Variants in MYO5C observed in about 807,000 individuals in gnomAD.
MYO5C encodes the protein myosin VC.
In MYO5C, 194 loss-of-function variants were observed where a neutral mutation model predicts 235.7. That is an observed-to-expected ratio of 0.82 (90% CI 0.73 to 0.93). MYO5C has a LOEUF of 0.93. Ranked by LOEUF, MYO5C falls within the 40% of genes least tolerant of loss-of-function variation. The probability of loss-of-function intolerance (pLI) is 0.00; values close to 1 mark genes in which losing one functional copy is unlikely to be tolerated. For synonymous variants in MYO5C, 707 were observed against 754.8 expected, an observed-to-expected ratio of 0.94 and a Z score of 1.04; for missense variants, 2,038 against 2,127.2, an observed-to-expected ratio of 0.96 and a Z score of 0.82.
intron 6 of MYO5C, 112 bp from the exon 7 acceptor site, chr15:52,271,956 T>C: frequency 1.7e-6 from 1 of 593,076 alleles, no homozygotes; most frequent in South Asian, 2.9e-5. Context: ...ATTCTCTGTC[T>C]GGGATGTGAT....
intron 36 of MYO5C, among the ~76,000 whole-genome samples, 176 bp downstream of exon 36, chr15:52,208,378 C>T (rs2035368644): frequency 6.6e-6 from 1 of 152,178 alleles, no homozygotes; most frequent in Non-Finnish European, 1.5e-5. Context: ...GTACCATGCC[C>T]AAAATCTAAG....
chr15:52,261,230 G>C, intron 9 of MYO5C, 103 bp from the exon 10 acceptor site: 5 of 1,366,274 alleles, frequency 3.7e-6, no homozygotes, highest in Non-Finnish European at 4.9e-6. Flanking sequence ...CTGTGCAAGA[G>C]CTGAGTAGTA....
At chr15:52,223,126 G>C (rs1379939444) in intron 29 of MYO5C, among the ~76,000 whole-genome samples, 1 of 142,548 alleles carries the variant, frequency 7.0e-6, no homozygotes, top group Non-Finnish European at 1.5e-5. Flanking sequence ...TCCAGCCTGG[G>C]CAACAGAGTG....
intron 38 of MYO5C, among the ~76,000 whole-genome samples, chr15:52,198,638 G>A (rs2035111788): frequency 6.6e-6 from 1 of 152,046 alleles, no homozygotes; most frequent in Non-Finnish European, 1.5e-5. Context: ...CTGGAGAGTA[G>A]TGGTGCGATC....
At chr15:52,282,351 C>T (rs1307414568) in intron 2 of MYO5C, among the ~76,000 whole-genome samples, 2 of 152,194 alleles carry the variant, frequency 1.3e-5, no homozygotes, top group African/African-American at 2.4e-5. Context: ...ATTTTCCTCC[C>T]CTTCACATCT....
chr15:52,199,380 T>C (rs2141258470), intron 38 of MYO5C, among the ~76,000 whole-genome samples: 1 of 152,360 alleles, frequency 6.6e-6, no homozygotes, highest in Non-Finnish European at 1.5e-5. Context: ...CCATCTTGTC[T>C]GTCCCACTGA....
At chr15:52,218,460 C>G in intron 32 of MYO5C, 59 bp downstream of exon 32, 1 of 1,522,372 alleles carries the variant, frequency 6.6e-7, no homozygotes, top group Non-Finnish European at 9.0e-7. Context: ...GGCATGTCCC[C>G]CCTTTCAGCA....
In MYO5C at chr15:52,225,106, C is replaced by A; in HGVS notation, c.3334G>T (p.Glu1112Ter). 1 of 1,614,058 alleles carries A rather than the reference C, an allele frequency of 6.2e-7. No individual in the cohort carries two copies. Among genetic ancestry groups the A allele is most frequent in the Non-Finnish European group, 8.5e-7 (1 of 1,179,982 alleles). ...KMSEITKQLL[E>*]SYDIEDVRSR... ...CTTACATCTTCAATGTCATAGCTTT[C>A]GAGAAGTTGTTTGGTGATCTCTGAC... The change falls in exon 27 of 41, where the codon GAA (glutamate) becomes TAA (stop). Residue 1112 changes from glutamate to a stop codon, truncating the protein, a stop_gained. Coordinates refer to ENST00000261839, the MANE Select transcript of MYO5C (RefSeq NM_018728.4). LOFTEE classifies it high-confidence loss of function.
intron 13 of MYO5C, among the ~76,000 whole-genome samples, chr15:52,249,374 G>C (rs1384500026): frequency 6.6e-6 from 1 of 151,972 alleles, no homozygotes; most frequent in African/African-American, 2.4e-5. Context: ...GCATATCCAG[G>C]GTGGCTGCTT....
intron 2 of MYO5C, among the ~76,000 whole-genome samples, chr15:52,280,893 C>T (rs781713508): frequency 1.3e-5 from 2 of 152,142 alleles, no homozygotes; most frequent in Non-Finnish European, 2.9e-5. Context: ...TTGTCCATGG[C>T]GGGGGTTTTG....
chr15:52,290,726 C>A (rs1428065006), intron 1 of MYO5C, among the ~76,000 whole-genome samples: 1 of 151,076 alleles, frequency 6.6e-6, no homozygotes, highest in Non-Finnish European at 1.5e-5. Flanking sequence ...AAAAACAAAA[C>A]ACATGTATCA....
chr15:52,196,528 G>A (rs370785274), intron 38 of MYO5C, 45 bp from the exon 39 acceptor site: 4 of 1,572,562 alleles, frequency 2.5e-6, no homozygotes, highest in Non-Finnish European at 3.5e-6. Flanking sequence ...AGGGAAGGGT[G>A]CCAGATACTC....
chr15:52,275,470 G>A lies in MYO5C; in HGVS notation c.606+92C>T, dbSNP rs536518339. On this transcript the variant is annotated intron_variant, in intron 5 of 40. Transcript: ENST00000261839. Reference sequence around the variant, plus strand: ...GCCCTCACTTCTTTAGTCTTTAAAGGGTGGGAACTTGAATTAGCCAGGAGA... The same window carrying A: ...GCCCTCACTTCTTTAGTCTTTAAAGAGTGGGAACTTGAATTAGCCAGGAGA... 8 of 1,495,402 alleles carry A rather than the reference G, an allele frequency of 5.3e-6. No individual in the cohort carries two copies. In the East Asian group the frequency reaches 1.6e-4, roughly 30 times the overall value. The allele number at this position is 1,495,402 out of a possible 1,614,324, so 92.6% of individuals were successfully genotyped here.
intron 35 of MYO5C, among the ~76,000 whole-genome samples, chr15:52,209,715 C>T (rs1323039460): frequency 6.6e-6 from 1 of 152,176 alleles, no homozygotes; most frequent in Non-Finnish European, 1.5e-5. Context: ...TAAGAAAACC[C>T]AATTTATGCA....
chr15:52,208,616 A>G lies in MYO5C; in HGVS notation c.4324T>C (p.Ser1442Pro). 1 of 1,614,204 alleles carries G rather than the reference A, an allele frequency of 6.2e-7. No individual in the cohort carries two copies. Among genetic ancestry groups the G allele is most frequent in the Non-Finnish European group, 8.5e-7 (1 of 1,180,004 alleles). The stretch of plus-strand genomic sequence containing the variant: ...TGACAAGTGTTGGAAAGCCAAAAGG[A>G]CAGCATTTCAAAGTCTTCTAAATGT... ...KEHLEDFEMLSFWLSNTCHFL... is the reference protein window; with the variant it reads ...KEHLEDFEMLPFWLSNTCHFL... Residue 1442 changes from serine (S) to proline (P), a missense_variant, in exon 36 of 41, where the codon TCC becomes CCC. Ser to Pro is a moderately conservative substitution (Grantham distance 74). Coordinates refer to ENST00000261839, the MANE Select transcript of MYO5C (RefSeq NM_018728.4).
chr15:52,205,214 T>G, intron 37 of MYO5C, 67 bp from the exon 38 acceptor site: 2 of 1,545,628 alleles, frequency 1.3e-6, no homozygotes, highest in South Asian at 1.2e-5. Flanking sequence ...CCGACGCTCT[T>G]CGGTTTGTTT....
At chr15:52,194,174 G>T in intron 40 of MYO5C, 120 bp from the exon 41 acceptor site, 1 of 879,422 alleles carries the variant, frequency 1.1e-6, no homozygotes, top group Non-Finnish European at 1.7e-6. Context: ...ACCATCACAT[G>T]AAATGACATA....
intron 25 of MYO5C, among the ~76,000 whole-genome samples, chr15:52,227,736 G>T (rs2035861511): frequency 6.6e-6 from 1 of 152,102 alleles, no homozygotes; most frequent in Non-Finnish European, 1.5e-5. Flanking sequence ...TGATCATGTG[G>T]TCTGACCTCC....
At chr15:52,243,980 T>G (rs2036280235) in intron 19 of MYO5C, among the ~76,000 whole-genome samples, 1 of 152,220 alleles carries the variant, frequency 6.6e-6, no homozygotes, top group Admixed American at 6.5e-5. Flanking sequence ...TGGCTATTCT[T>G]GACATCTGTC....
Sources: allele counts gnomAD v4.1 joint callset (sites outside exome capture counted in the v4.1 genomes callset), GRCh38; gene constraint gnomAD v4.1.1; transcripts MANE v1.5; gene names NCBI Gene and HGNC (gene_info 2026-07-23, HGNC 2026-07-21).